The following PCSK4 variants were observed in gnomAD, a reference collection of about 807,000 sequenced individuals.
PCSK4 encodes the protein proprotein convertase subtilisin/kexin type 4, also known as testicular tissue protein Li 135.
In PCSK4, 64 loss-of-function variants were observed where a neutral mutation model predicts 80.3. That is an observed-to-expected ratio of 0.80 (90% CI 0.65 to 0.98). The LOEUF is 0.98. PCSK4 is among the 50% of genes least tolerant of loss of function. PCSK4 has a pLI of 0.00. For synonymous variants in PCSK4, 561 were observed against 487.6 expected (o/e 1.15, Z -1.98); for missense variants, 1,213 against 1,093.6 (o/e 1.11, Z -1.54).
At position 1,483,209 on chromosome 19, in the gene PCSK4, G is replaced by A. The variant is rs1054668310; in HGVS notation, c.1571+75C>T. On this transcript the variant is annotated intron_variant, in intron 12 of 14. Coordinates refer to ENST00000300954, the Ensembl canonical transcript of PCSK4. ...TCCTATGGGCCTGGCCCCTCCCCGT[G>A]AGGACACTCCGGGTAGATGGCAGCG... 5 of 1,401,964 alleles carry A rather than the reference G, an allele frequency of 3.6e-6. No homozygotes were observed. In the Admixed American group the frequency reaches 1.2e-4, roughly 35 times the overall value. 86.8% of individuals were successfully genotyped at this position (1,401,964 alleles called of 1,614,324 possible).
At chr19:1,482,380 G>T in exon 14 of PCSK4, 2 of 1,551,076 alleles carry the variant, frequency 1.3e-6, no homozygotes. Flanking sequence ...GTGTCCCGCT[G>T]CACACACGCG....
rs944553597 is a variant in PCSK4, at chr19:1,487,379, C to T, written c.683-66G>A. On this transcript the variant is annotated intron_variant, in intron 6 of 14. Coordinates refer to ENST00000300954, the Ensembl canonical transcript of PCSK4. Reference sequence around the variant, plus strand: ...CCCTTCCCCACACCCCAGCCCGCCCCGCGCCACTCCACACCACTCCCCAGC... The same window carrying T: ...CCCTTCCCCACACCCCAGCCCGCCCTGCGCCACTCCACACCACTCCCCAGC... 132 of 1,330,246 alleles carry T rather than the reference C, an allele frequency of 9.9e-5. 1 individual carries two copies. Among genetic ancestry groups the T allele is most frequent in the Middle Eastern group, 2.6e-4 (1 of 3,838 alleles). The allele number at this position is 1,330,246 out of a possible 1,614,324, so 82.4% of individuals were successfully genotyped here.
At position 1,486,906 on chromosome 19, in the gene PCSK4, C is replaced by T. The variant is rs1226103603; in HGVS notation, c.1015G>A (p.Ala339Thr). The T allele has an allele frequency of 9.4e-6, 15 of 1,601,908 alleles. 1 individual carries two copies. In the Middle Eastern group the frequency reaches 5.1e-4, roughly 55 times the overall value. The change falls in exon 8 of 15, where the codon GCC becomes ACC. Residue 339 changes from alanine to threonine, a missense_variant. Coordinates refer to ENST00000300954, the Ensembl canonical transcript of PCSK4. Reference sequence around the variant, plus strand: ...CTGTAGGTGGTGGTGAGGGTGGAGGCGCAGGCTTCGCTGTACCAGGGCACG... The same window carrying T: ...CTGTAGGTGGTGGTGAGGGTGGAGGTGCAGGCTTCGCTGTACCAGGGCACG...
rs987722083 is a variant in PCSK4, at chr19:1,490,357, C to T, written c.-11G>A. 3 of 1,081,314 alleles carry T rather than the reference C, an allele frequency of 2.8e-6. No homozygotes were observed. Among genetic ancestry groups the T allele is most frequent in the East Asian group, 2.8e-5 (1 of 35,236 alleles). The allele number at this position is 1,081,314 out of a possible 1,614,324, so 67.0% of individuals were successfully genotyped here. ...CGGGGCGGGCCGCATGGAGGCGGGG[C>T]GGGAGCGGGGCCTGCGCAAATCCCC... is the stretch of plus-strand genomic sequence containing the variant. On this transcript the variant is annotated 5_prime_UTR_variant, in exon 1 of 15. Transcript: ENST00000300954.
At chr19:1,487,818 G>A in exon 5 of PCSK4, 2 of 1,575,234 alleles carry the variant, frequency 1.3e-6, no homozygotes, top group Non-Finnish European at 1.7e-6. Context: ...GCGGGGCTGG[G>A]GGTCCGGGTC....
exon 14 of PCSK4, chr19:1,482,365 C>T (rs1568202489): frequency 2.6e-6 from 4 of 1,543,136 alleles, no homozygotes. Context: ...TGGCACAGCC[C>T]CTCTGTGTCC....
rs76450268 is a variant in PCSK4 at position 1,481,920 on chromosome 19, G to A, written c.2107C>T (p.His703Tyr). Residue 703 changes from histidine to tyrosine, a missense_variant, in exon 15 of 15, where the codon CAC (histidine) becomes TAC (tyrosine). Coordinates refer to ENST00000300954, the Ensembl canonical transcript of PCSK4. The stretch of plus-strand genomic sequence containing the variant: ...ACCATGGCCGAGGCTGGGCAGCGGT[G>A]GTGGGGACAGGCGGCAGCTCTAAGC... The A allele has an allele frequency of 6.1e-3, 9,666 of 1,596,186 alleles. 493 individuals are homozygous for A. In the African/African-American group the frequency reaches 0.11, roughly 18 times the overall value.
In PCSK4 at chr19:1,488,168, C is replaced by T; in HGVS notation, c.387+20G>A. ...GCCAGCGGCCCCGTCCCCGTCTACCCACCCTGGCTGCCTGCTCACCATGTA... is the reference window on the plus strand; with the variant it reads ...GCCAGCGGCCCCGTCCCCGTCTACCTACCCTGGCTGCCTGCTCACCATGTA... On this transcript the variant is annotated intron_variant, in intron 3 of 14. Transcript: ENST00000300954. 6.2e-7 allele frequency: 1 copy of T among 1,613,468 alleles called. No individual in the cohort carries two copies. Among genetic ancestry groups the T allele is most frequent in the Middle Eastern group, 1.7e-4 (1 of 6,060 alleles).
At chr19:1,487,250 G>T in exon 7 of PCSK4, 1 of 1,604,584 alleles carries the variant, frequency 6.2e-7, no homozygotes. Context: ...GATGTGCTGC[G>T]GCTGCAGGCT....
rs762810901 is a variant in PCSK4, at chr19:1,484,017, A to G, written c.1169+10T>C. On this transcript the variant is annotated intron_variant, in intron 9 of 14. Transcript: ENST00000300954. ...GCGAGGGCGGTGGACCGGGCCCCGC[A>G]GTCACCTACTTGGCCTCCAGCGCTA... 2 of 1,533,314 alleles carry G rather than the reference A, an allele frequency of 1.3e-6. No individual in the cohort carries two copies. The highest frequency in any genetic ancestry group is 2.4e-5 in the South Asian group (2 of 83,696). The allele number at this position is 1,533,314 out of a possible 1,614,324, so 95.0% of individuals were successfully genotyped here.
chr19:1,490,444 C>T (rs548508953), upstream of PCSK4: 9 of 558,650 alleles, frequency 1.6e-5, no homozygotes, highest in Non-Finnish European at 2.8e-5. Flanking sequence ...GCCATAGCAA[C>T]GCAGAAGGCT....
At position 1,487,897 on chromosome 19, in the gene PCSK4, C is replaced by G. The variant is rs566207236; in HGVS notation, c.517-36G>C. 5.1e-6 allele frequency: 8 copies of G among 1,566,112 alleles called. No individual in the cohort carries two copies. The East Asian group carries it at 1.6e-4, about 31-fold the overall frequency. ...GTGGGGATATGAGGGGGCCGGGAGG[C>G]GTCCCTAGGGTGGTGCCAGCCTCGG... On this transcript the variant is annotated intron_variant, in intron 4 of 14. Transcript: ENST00000300954.
chr19:1,484,668 C>T (rs983647783), intron 8 of PCSK4, among the ~76,000 whole-genome samples: 1 of 151,632 alleles, frequency 6.6e-6, no homozygotes, highest in Non-Finnish European at 1.5e-5. Context: ...AAAAATTACC[C>T]GGGTATGGTG....
intron 4 of PCSK4, 21 bp downstream of exon 4, chr19:1,487,943 C>A (rs1381909866): frequency 1.3e-6 from 2 of 1,599,184 alleles, no homozygotes; most frequent in Non-Finnish European, 1.7e-6. Context: ...AGCCCTCGCC[C>A]ACAGCCACCC....
At chr19:1,483,739 C>T in exon 11 of PCSK4, 1 of 1,594,106 alleles carries the variant, frequency 6.3e-7, no homozygotes, top group Non-Finnish European at 8.5e-7. Context: ...GCCCGGCGTC[C>T]AGCAGCCCGT....
At chr19:1,481,812 G>T (rs377189780) in exon 15 of PCSK4, 2 of 1,527,686 alleles carry the variant, frequency 1.3e-6, no homozygotes, top group East Asian at 2.3e-5. Context: ...GCCCTGGCAC[G>T]GGAGAGCCAG....
Position 1,488,202 on chromosome 19 carries a change from T to G in PCSK4, c.373A>C (p.Lys125Gln), listed in dbSNP as rs1482633740. ...TGCCTGCTCACCATGTACCACTGCTTGGAGAACCAGGGGTCCGTGGGCACC... is the reference window on the plus strand; with the variant it reads ...TGCCTGCTCACCATGTACCACTGCTGGGAGAACCAGGGGTCCGTGGGCACC... The change falls in exon 3 of 15, where the codon AAG (lysine) becomes CAG (glutamine). Residue 125 changes from lysine (K) to glutamine (Q), a missense_variant. Physicochemically the swap from Lys to Gln is moderately conservative, Grantham distance 53. Transcript: ENST00000300954. 4 of 1,613,474 alleles carry G rather than the reference T, an allele frequency of 2.5e-6. No individual in the cohort carries two copies. Among genetic ancestry groups the G allele is most frequent in the Non-Finnish European group, 3.4e-6 (4 of 1,179,932 alleles).
chr19:1,490,189 G>T, exon 1 of PCSK4: 1 of 1,613,664 alleles, frequency 6.2e-7, no homozygotes, highest in Non-Finnish European at 8.5e-7. Context: ...GAATTTGCGT[G>T]CCAGGCGCTC....
exon 15 of PCSK4, chr19:1,481,752 G>T: frequency 6.7e-7 from 1 of 1,503,506 alleles, no homozygotes; most frequent in South Asian, 1.3e-5. Context: ...TTTCTGAGCT[G>T]ACAACTTCAG....
Sources: gnomAD v4.1 joint callset for allele counts (sites outside exome capture counted in the v4.1 genomes callset) on GRCh38, gnomAD v4.1.1 for gene constraint, MANE v1.5 for transcripts, NCBI Gene and HGNC (gene_info 2026-07-23, HGNC 2026-07-21) for gene names.